Variants in PCDHGC5 observed in about 807,000 individuals in gnomAD.
The protein encoded by PCDHGC5 is protocadherin gamma-C5.
In PCDHGC5, 25 loss-of-function variants were observed where a neutral mutation model predicts 59.0. The observed-to-expected ratio is 0.42, with a 90% CI of 0.31 to 0.59. The LOEUF (loss-of-function observed/expected upper bound fraction) is 0.59, where lower values mean the gene tolerates loss of function less well. Among genes scored for constraint, PCDHGC5 ranks in the 20% least tolerant of loss-of-function variants. The pLI is 0.13. For missense variants in PCDHGC5, 1,067 were observed against 1,206.4 expected (o/e 0.88, Z 1.71); for synonymous variants, 434 against 505.5 (o/e 0.86, Z 1.90).
rs1005709757 is a variant in PCDHGC5 at position 141,495,051 on chromosome 5, A to G, written c.2519+186A>G. Among the ~76,000 whole-genome samples, 3 of 152,042 alleles carry G rather than the reference A, an allele frequency of 2.0e-5. No homozygotes were observed. In the East Asian group the frequency reaches 5.8e-4, roughly 29 times the overall value. On this transcript the variant is annotated intron_variant, in intron 2 of 3. Transcript: ENST00000252087. ...CCGGAAGGAAGAGGCGACTGCCCTG[A>G]CTGTTCAGGAAGCTCAATTCACATG... is the stretch of plus-strand genomic sequence containing the variant.
chr5:141,500,187 TATTTA>T (rs1467273493), intron 2 of PCDHGC5, among the ~76,000 whole-genome samples: 2 of 110,668 alleles, frequency 1.8e-5, no homozygotes, highest in Non-Finnish European at 3.6e-5. Flanking sequence ...TTTTTATTTT[TATTTA>T]TTTATTTATT....
At chr5:141,507,017 C>CACTT (rs763489200) in intron 3 of PCDHGC5, 1 of 152,206 alleles carries the variant, frequency 6.6e-6, no homozygotes, top group Non-Finnish European at 1.5e-5. Flanking sequence ...ACCGAGAAGG[C>CACTT]ACTTGCCCCA....
At chr5:141,507,932 G>C (rs2099865030) in intron 3 of PCDHGC5, 1 of 152,338 alleles carries the variant, frequency 6.6e-6, no homozygotes, top group Admixed American at 6.5e-5. Context: ...TGCTGAGAGG[G>C]GTTAAGTAAG....
At chr5:141,502,891 C>G (rs2099816930) in intron 2 of PCDHGC5, among the ~76,000 whole-genome samples, 1 of 117,990 alleles carries the variant, frequency 8.5e-6, no homozygotes, top group African/African-American at 3.4e-5. Context: ...GACAGGGAGT[C>G]TAGCTCTGTT....
rs1000330093 is a variant in PCDHGC5 at position 141,511,812 on chromosome 5, C to T, written c.*639C>T. 2.5e-5 allele frequency: 4 copies of T among 157,260 alleles called. No individual in the cohort carries two copies. Among genetic ancestry groups the T allele is most frequent in the African/African-American group, 9.6e-5 (4 of 41,492 alleles). The allele number at this position is 157,260 out of a possible 1,614,324, so 9.7% of individuals were successfully genotyped here. The stretch of plus-strand genomic sequence containing the variant: ...TAGGGAGGGCATTTTGCTACCAAGC[C>T]TCTTCCCAACGCCCTGGGGACCAGT... On this transcript the variant is annotated 3_prime_UTR_variant, in exon 4 of 4. Transcript: ENST00000252087.
At chr5:141,494,714 C>G in intron 1 of PCDHGC5, 93 bp from the exon 2 acceptor site, 2 of 1,603,958 alleles carry the variant, frequency 1.2e-6, no homozygotes, top group East Asian at 4.5e-5. Context: ...TGTGCCCACT[C>G]CCCTCCTTCT....
At chr5:141,505,015 A>G (rs965107997) in intron 2 of PCDHGC5, among the ~76,000 whole-genome samples, 1 of 152,160 alleles carries the variant, frequency 6.6e-6, no homozygotes, top group Admixed American at 6.5e-5. Flanking sequence ...TACAAAAATT[A>G]GCCTGGCACA....
Position 141,491,103 on chromosome 5 carries a change from G to T in PCDHGC5, c.1863G>T (p.Val621=), listed in dbSNP as rs1190609518. The T allele has an allele frequency of 6.2e-7, 1 of 1,614,162 alleles. No individual in the cohort carries two copies. ...CCACAGCCCCAGGACTGTTCCTCGT[G>T]TCTACACACACTGGTGAGGTGCGCA... ...PQSTAPGLFL[V]STHTGEVRTA... Residue 621 remains valine, a synonymous_variant, in exon 1 of 4, where the codon GTG becomes GTT. Coordinates refer to ENST00000252087, the MANE Select transcript of PCDHGC5 (RefSeq NM_018929.3). The surrounding 1 kb of genome is among the most constrained non-coding windows in gnomAD (Gnocchi z 6.9).
chr5:141,496,225 G>C (rs112222482), intron 2 of PCDHGC5, among the ~76,000 whole-genome samples: 178 of 152,276 alleles, frequency 1.2e-3, no homozygotes, highest in Non-Finnish European at 1.8e-3. Context: ...TGCTGAGACA[G>C]GAACCCCCTG....
At chr5:141,501,883 G>A (rs1204174131) in intron 2 of PCDHGC5, among the ~76,000 whole-genome samples, 1 of 152,022 alleles carries the variant, frequency 6.6e-6, no homozygotes, top group African/African-American at 2.4e-5. Flanking sequence ...TTACACTCCT[G>A]ATCATCATGG....
intron 1 of PCDHGC5, among the ~76,000 whole-genome samples, chr5:141,492,876 G>A (rs2099744774): frequency 6.6e-6 from 1 of 152,184 alleles, no homozygotes; most frequent in African/African-American, 2.4e-5. Context: ...TCAACCCCCA[G>A]AGATACAGGC....
Position 141,505,556 on chromosome 5 carries a change from C to T in PCDHGC5, c.2608+75C>T, listed in dbSNP as rs2233611. ...GGGTGCATCTCACAGCCACCATGCC[C>T]ACGGACTGGATGTCAAACCTGTGTA... On this transcript the variant is annotated intron_variant, in intron 3 of 3. Transcript: ENST00000252087. 1,282 of 1,606,040 alleles carry T rather than the reference C, an allele frequency of 8.0e-4. 6 individuals are homozygous for T. In the African/African-American group the frequency reaches 0.013, roughly 16 times the overall value.
rs2154591305 is a variant in PCDHGC5, at chr5:141,493,879, G to A, written c.2461-928G>A. Among the ~76,000 whole-genome samples the A allele has an allele frequency of 6.6e-6, 1 of 152,288 alleles. No homozygotes were observed. The highest frequency in any genetic ancestry group is 6.5e-5 in the Admixed American group (1 of 15,302). ...CCCACCCCAGAACCAGTGAGGAGGT[G>A]GCTCTAGGAGTGCTCCATGAGAGTG... On this transcript the variant is annotated intron_variant, in intron 1 of 3. Coordinates refer to ENST00000252087, the MANE Select transcript of PCDHGC5 (RefSeq NM_018929.3). This position sits in a 1 kb window ranked among gnomAD's most constrained non-coding sequence, Gnocchi z 4.3.
In PCDHGC5 at chr5:141,490,455, G is replaced by A. The variant is rs746957706; in HGVS notation, c.1215G>A (p.Ser405=). The A allele has an allele frequency of 9.3e-6, 15 of 1,614,010 alleles. No individual in the cohort carries two copies. The highest frequency in any genetic ancestry group is 2.2e-5 in the South Asian group (2 of 91,084). ...TTAAGCCTTCTGAGAACCACTACTC[G>A]CTGCTAACCAGCCAGCCTTTGGACC... The part of the protein sequence containing the change: ...FQIKPSENHY[S]LLTSQPLDRE... Residue 405 remains serine, a synonymous_variant, in exon 1 of 4, where the codon TCG becomes TCA. Coordinates refer to ENST00000252087, the MANE Select transcript of PCDHGC5 (RefSeq NM_018929.3). The surrounding 1 kb of genome is among the most constrained non-coding windows in gnomAD (Gnocchi z 5.4).
rs142590218 is a variant in PCDHGC5, at chr5:141,489,982, C to T, written c.742C>T (p.Arg248Cys). Residue 248 changes from arginine (R) to cysteine (C), a missense_variant, in exon 1 of 4, where the codon CGT becomes TGT. Coordinates refer to ENST00000252087, the MANE Select transcript of PCDHGC5 (RefSeq NM_018929.3). This position sits in a 1 kb window ranked among gnomAD's most constrained non-coding sequence, Gnocchi z 4.5. ...TCCAACCTTCCAATCCTCAGTTCTA[C>T]GTGTGGGAATCCCAGAGAATGCACC... ...NAPTFQSSVL[R>C]VGIPENAPIG... The T allele has an allele frequency of 2.9e-5, 47 of 1,614,010 alleles. No individual in the cohort carries two copies. The highest frequency in any genetic ancestry group is 3.7e-5 in the Non-Finnish European group (44 of 1,179,964).
chr5:141,500,433 T>C (rs1398344932), intron 2 of PCDHGC5, among the ~76,000 whole-genome samples: 1 of 151,764 alleles, frequency 6.6e-6, no homozygotes, highest in East Asian at 1.9e-4. Context: ...ATGGTCTCGA[T>C]CTCCTGACCT....
chr5:141,490,009 A>T lies in PCDHGC5; in HGVS notation c.769A>T (p.Ile257Phe). Reference protein sequence around the residue: ...LRVGIPENAPIGTLLLRLNAT... With the variant: ...LRVGIPENAPFGTLLLRLNAT... Reference sequence around the variant, plus strand: ...TGTGGGAATCCCAGAGAATGCACCCATTGGTACTCTGCTGCTCCGCCTCAA... The same window carrying T: ...TGTGGGAATCCCAGAGAATGCACCCTTTGGTACTCTGCTGCTCCGCCTCAA... Residue 257 changes from isoleucine (I) to phenylalanine (F), a missense_variant, in exon 1 of 4, where the codon ATT (isoleucine) becomes TTT (phenylalanine). By Grantham distance (21) the Ile-to-Phe change is conservative. Transcript: ENST00000252087. The surrounding 1 kb of genome is among the most constrained non-coding windows in gnomAD (Gnocchi z 5.4). 5 of 1,614,214 alleles carry T rather than the reference A, an allele frequency of 3.1e-6. No individual in the cohort carries two copies. The highest frequency in any genetic ancestry group is 4.2e-6 in the Non-Finnish European group (5 of 1,180,032).
chr5:141,494,925 G>T (rs936071950), intron 2 of PCDHGC5, 60 bp downstream of exon 2: 1 of 1,613,316 alleles, frequency 6.2e-7, no homozygotes. Flanking sequence ...GGGATGACGT[G>T]GGAGGAGATG....
At chr5:141,509,077 C>A (rs1371396735) in intron 3 of PCDHGC5, among the ~76,000 whole-genome samples, 3 of 152,242 alleles carry the variant, frequency 2.0e-5, no homozygotes, top group Admixed American at 2.0e-4. Flanking sequence ...CGGGGATTTG[C>A]GACATGAAAT....
Sources: gnomAD v4.1 joint callset for allele counts (sites outside exome capture counted in the v4.1 genomes callset) on GRCh38, gnomAD v4.1.1 for gene constraint, Gnocchi (gnomAD v3.1) non-coding constraint, MANE v1.5 for transcripts, NCBI Gene and HGNC (gene_info 2026-07-23, HGNC 2026-07-21) for gene names.